Variants in POC1B observed in about 807,000 individuals in gnomAD.
The protein encoded by POC1B is POC1 centriolar protein B.
A neutral mutation model predicts 60.6 loss-of-function variants in POC1B; 44 were observed. That is an observed-to-expected ratio of 0.73 (90% CI 0.57 to 0.93). The LOEUF (loss-of-function observed/expected upper bound fraction) is 0.93. POC1B is among the 40% of genes least tolerant of loss of function. POC1B has a pLI of 0.00. For missense variants in POC1B, 555 were observed against 572.3 expected (o/e 0.97, Z 0.31); for synonymous variants, 180 against 198.9 (o/e 0.90, Z 0.80).
In POC1B at chr12:89,432,258, C is replaced by T. The variant is rs997975036; in HGVS notation, c.1114-6879G>A. On this transcript the variant is annotated intron_variant, in intron 10 of 11. Transcript: ENST00000313546. ...GAAATTAGCCAGGTGTTGCGGCATG[C>T]ACCCGTAGTCCCAGCTACTCAGGAG... 3.3e-5 allele frequency among the ~76,000 whole-genome samples: 5 copies of T among 151,640 alleles called. No homozygotes were observed. The South Asian group carries it at 1.0e-3, about 32-fold the overall frequency.
intron 2 of POC1B, chr12:89,521,876 A>G: frequency 2.5e-6 from 1 of 397,916 alleles, no homozygotes; most frequent in Admixed American, 4.4e-5. Context: ...GCCTTGGTAG[A>G]ACCTAGCCCA....
At chr12:89,515,234 C>T (rs1870389789) in intron 2 of POC1B, among the ~76,000 whole-genome samples, 1 of 152,142 alleles carries the variant, frequency 6.6e-6, no homozygotes, top group Non-Finnish European at 1.5e-5. Context: ...AGACAGAAAT[C>T]TCTAATTGGG....
intron 4 of POC1B, among the ~76,000 whole-genome samples, chr12:89,486,282 T>C (rs1288736525): frequency 6.6e-6 from 1 of 152,088 alleles, no homozygotes; most frequent in Admixed American, 6.6e-5. Flanking sequence ...ACAGACCTCA[T>C]AAGAAGGGCA....
chr12:89,522,005 C>A (rs1288460740), intron 2 of POC1B: 1 of 398,712 alleles, frequency 2.5e-6, no homozygotes, highest in African/African-American at 2.1e-5. Flanking sequence ...TGGATGAGTC[C>A]CTTTCTAGTA....
At chr12:89,446,318 G>A (rs529288122) in intron 10 of POC1B, among the ~76,000 whole-genome samples, 2 of 152,198 alleles carry the variant, frequency 1.3e-5, no homozygotes, top group African/African-American at 2.4e-5. Context: ...TGTTTATTGC[G>A]GCACTATTCA....
intron 10 of POC1B, among the ~76,000 whole-genome samples, chr12:89,450,934 G>A (rs953807447): frequency 2.0e-5 from 3 of 152,158 alleles, no homozygotes; most frequent in African/African-American, 7.2e-5. Flanking sequence ...TGGTTAAACA[G>A]ATTTCTAAGT....
At chr12:89,445,052 G>A (rs7309744) in intron 10 of POC1B, among the ~76,000 whole-genome samples, 108,701 of 151,798 alleles carry the variant, frequency 0.72, 39,016 homozygotes, top group Middle Eastern at 0.82. Context: ...CTTACAAGGG[G>A]TGTGAAGGAC....
At chr12:89,429,701 C>T (rs541748078) in intron 10 of POC1B, among the ~76,000 whole-genome samples, 29 of 152,288 alleles carry the variant, frequency 1.9e-4, no homozygotes, top group African/African-American at 6.7e-4. Flanking sequence ...CCAAATCCCC[C>T]ACAATGCCTG....
chr12:89,455,520 T>C (rs1196820316), intron 10 of POC1B, among the ~76,000 whole-genome samples: 1 of 152,226 alleles, frequency 6.6e-6, no homozygotes, highest in Non-Finnish European at 1.5e-5. Context: ...CTTCCTCAGT[T>C]ACTTCTGTCT....
At chr12:89,402,750 T>C in the POC1B span, among the ~76,000 whole-genome samples, 1 of 151,990 alleles carries the variant, frequency 6.6e-6, no homozygotes, top group South Asian at 2.1e-4. Flanking sequence ...ACATACTTTC[T>C]TTTTTTTGAG....
chr12:89,418,148 A>T (rs1171794803), downstream of POC1B, among the ~76,000 whole-genome samples: 1 of 152,106 alleles, frequency 6.6e-6, no homozygotes, highest in East Asian at 1.9e-4. Context: ...GCAGTCAGGG[A>T]GGGCACTTCT....
At chr12:89,404,112 A>G in the POC1B span, among the ~76,000 whole-genome samples, 1 of 151,908 alleles carries the variant, frequency 6.6e-6, no homozygotes, top group East Asian at 1.9e-4. Flanking sequence ...AACCTGGACA[A>G]CAAGAATGAA....
chr12:89,454,489 C>T (rs1433892947), intron 10 of POC1B, among the ~76,000 whole-genome samples: 2 of 152,292 alleles, frequency 1.3e-5, no homozygotes, highest in African/African-American at 2.4e-5. Context: ...ACACAAGTCA[C>T]GTCATGTCCC....
At chr12:89,413,310 A>G in the POC1B span, among the ~76,000 whole-genome samples, 15 of 152,116 alleles carry the variant, frequency 9.9e-5, no homozygotes, top group Middle Eastern at 3.2e-3. Context: ...GGCTCAAGCA[A>G]TCCCCCTGCC....
At chr12:89,515,057 G>A (rs1565758223) in intron 2 of POC1B, among the ~76,000 whole-genome samples, 1 of 152,006 alleles carries the variant, frequency 6.6e-6, no homozygotes, top group Non-Finnish European at 1.5e-5. Context: ...CAAGTTTCCT[G>A]ACACCTTTCA....
intron 4 of POC1B, among the ~76,000 whole-genome samples, chr12:89,475,511 A>C (rs1883068825): frequency 6.6e-6 from 1 of 152,036 alleles, no homozygotes; most frequent in South Asian, 2.1e-4. Flanking sequence ...GATGATTTCT[A>C]TTTCCTCCTC....
intron 4 of POC1B, among the ~76,000 whole-genome samples, chr12:89,477,011 GTCCTGAATTCTAGGGCCAGT>G (rs112240264): frequency 0.012 from 1,810 of 152,196 alleles, 35 homozygotes; most frequent in African/African-American, 0.042. Flanking sequence ...TAAATACCAA[GTCCTGAATTCTAGGGCCAGT>G]TCTGCAACTG....
chr12:89,524,973 G>T, intron 2 of POC1B, 147 bp downstream of exon 2: 1 of 1,275,004 alleles, frequency 7.8e-7, no homozygotes, highest in Non-Finnish European at 1.1e-6. Context: ...GCTGCGCCCC[G>T]CCGCGCTGGG....
chr12:89,479,043 A>G (rs1883221367), intron 4 of POC1B, among the ~76,000 whole-genome samples: 1 of 152,210 alleles, frequency 6.6e-6, no homozygotes. Flanking sequence ...ATGTATTTCA[A>G]ATGATGTTTT....
Sources: allele counts gnomAD v4.1 joint callset (sites outside exome capture counted in the v4.1 genomes callset), GRCh38; gene constraint gnomAD v4.1.1; transcripts MANE v1.5; gene names NCBI Gene and HGNC (gene_info 2026-07-23, HGNC 2026-07-21).